Variants in ZNF426 observed in about 807,000 individuals in gnomAD.
ZNF426 encodes the protein CTC-543D15.7.
ZNF426 carries 23 observed loss-of-function variants against 24.0 expected under a neutral mutation model. The observed-to-expected ratio is 0.96, with a 90% CI of 0.69 to 1.36. The LOEUF (loss-of-function observed/expected upper bound fraction) is 1.36, where lower values mean the gene tolerates loss of function less well. Among genes scored for constraint, ZNF426 ranks in the 40% most tolerant of loss-of-function variants. The pLI is 0.00. For synonymous variants in ZNF426, 272 were observed against 224.6 expected (o/e 1.21, Z -1.89); for missense variants, 646 against 658.4 (o/e 0.98, Z 0.21).
chr19:9,536,127 C>G, intron 3 of ZNF426, 81 bp downstream of exon 3: 1 of 1,585,354 alleles, frequency 6.3e-7, no homozygotes, highest in Non-Finnish European at 8.6e-7. Flanking sequence ...AGCAACATGA[C>G]CAGCTGCCCA....
At position 9,530,677 on chromosome 19, in the gene ZNF426, C is replaced by T. The variant is rs138391968; in HGVS notation, c.408+308G>A. 2.4e-3 allele frequency among the ~76,000 whole-genome samples: 358 copies of T among 151,634 alleles called. 1 individual carries two copies. The highest frequency in any genetic ancestry group is 3.4e-3 in the Non-Finnish European group (232 of 67,902). ...CCAAGGGAGGCTGAGGTGGGAGGAT[C>T]GCCTGAGCCCAGGAGGTCAAGACTA... On this transcript the variant is annotated intron_variant, in intron 7 of 7. Transcript: ENST00000253115.
chr19:9,524,226 A>C lies in ZNF426; in HGVS notation c.*4154T>G, dbSNP rs1165931908. 1 of 152,360 alleles carries C rather than the reference A, an allele frequency of 6.6e-6. No homozygotes were observed. Among genetic ancestry groups the C allele is most frequent in the Middle Eastern group, 3.4e-3 (1 of 294 alleles). The allele number at this position is 152,360 out of a possible 1,614,324, so 9.4% of individuals were successfully genotyped here. On this transcript the variant is annotated 3_prime_UTR_variant, in exon 8 of 8. Transcript: ENST00000253115. ...CTCCTAGTGGGAGTTTTGTGGTATC[A>C]GTCCTATGGATTAAATGAAGCCTTT...
chr19:9,534,097 G>T (rs2073929033), intron 4 of ZNF426, 131 bp from the exon 5 acceptor site: 3 of 1,311,414 alleles, frequency 2.3e-6, no homozygotes, highest in Non-Finnish European at 1.0e-6. Context: ...AGGTTTTAAG[G>T]GTCCTAGAAA....
rs748206184 is a variant in ZNF426, at chr19:9,529,535, T to C, written c.510A>G (p.Thr170=). The change falls in exon 8 of 8, where the codon ACA becomes ACG. Residue 170 remains threonine, a synonymous_variant. Coordinates refer to ENST00000253115, the MANE Select transcript of ZNF426 (RefSeq NM_024106.3). ...ACTGATTACAGTCATGAGTGTTCCC[T>C]GTACTTTGAGTTCTCACGTGCGTCT... ...CLKTHVRTQS[T]GNTHDCNQYG... 2 of 1,612,312 alleles carry C rather than the reference T, an allele frequency of 1.2e-6. No homozygotes were observed. The highest frequency in any genetic ancestry group is 2.2e-5 in the East Asian group (1 of 44,882).
At chr19:9,531,757 G>A (rs1476199810) in intron 6 of ZNF426, among the ~76,000 whole-genome samples, 1 of 152,184 alleles carries the variant, frequency 6.6e-6, no homozygotes, top group Admixed American at 6.5e-5. Flanking sequence ...GGCCGAGGCA[G>A]GCAGATCACG....
rs1224343138 is a variant in ZNF426, at chr19:9,529,055, G to GT, written c.989dup (p.His330GlnfsTer10). 3 of 1,613,676 alleles carry GT rather than the reference G, an allele frequency of 1.9e-6. No homozygotes were observed. The highest frequency in any genetic ancestry group is 1.7e-5 in the Admixed American group (1 of 59,912). On this transcript the variant is annotated frameshift_variant, in exon 8 of 8. Transcript: ENST00000253115. LOFTEE classifies it low-confidence loss of function (END_TRUNC). ...TACATACATAGGGTTTCTCTCCAGT[G>GT]TGAGTTCTTCCATGTATCTGAAATG...
chr19:9,531,237 TA>T (rs1206881681), intron 6 of ZNF426, among the ~76,000 whole-genome samples, 170 bp from the exon 7 acceptor site: 1 of 152,094 alleles, frequency 6.6e-6, no homozygotes, highest in Non-Finnish European at 1.5e-5. Context: ...ATTCAAAAGC[TA>T]GCTGGGTGTG....
rs79734356 is a variant in ZNF426 at position 9,528,715 on chromosome 19, C to A, written c.1330G>T (p.Ala444Ser). Residue 444 changes from alanine (A) to serine (S), a missense_variant, in exon 8 of 8, where the codon GCC becomes TCC. Ala to Ser is a moderately conservative substitution (Grantham distance 99). Transcript: ENST00000253115. ...TCCTTACAGGTGTATGGTTTCTGGG[C>A]ACTGTGCGTTCGCATGTGATTATTA... The part of the protein sequence containing the change: ...CLNNHMRTHS[A>S]QKPYTCKECG... 1.9e-6 allele frequency: 3 copies of A among 1,614,142 alleles called. No individual in the cohort carries two copies. The highest frequency in any genetic ancestry group is 2.5e-6 in the Non-Finnish European group (3 of 1,180,004).
Position 9,528,778 on chromosome 19 carries a change from T to G in ZNF426, c.1267A>C (p.Lys423Gln). 1 of 1,614,144 alleles carries G rather than the reference T, an allele frequency of 6.2e-7. No homozygotes were observed. Among genetic ancestry groups the G allele is most frequent in the Non-Finnish European group, 8.5e-7 (1 of 1,180,020 alleles). The change falls in exon 8 of 8, where the codon AAG becomes CAG. Residue 423 changes from lysine to glutamine, a missense_variant. Coordinates refer to ENST00000253115, the MANE Select transcript of ZNF426 (RefSeq NM_024106.3). ...THTEEKACEC[K>Q]ICGKVFGYPS... ...TACCCAAATACTTTCCCACATATCT[T>G]ACACTCACAGGCCTTCTCTTCAGTG...
Position 9,525,174 on chromosome 19 carries a change from G to T in ZNF426, c.*3206C>A, listed in dbSNP as rs997028419. 6.6e-6 allele frequency: 1 copy of T among 151,228 alleles called. No individual in the cohort carries two copies. Among genetic ancestry groups the T allele is most frequent in the African/African-American group, 2.4e-5 (1 of 41,142 alleles). 9.4% of individuals were successfully genotyped at this position (151,228 alleles called of 1,614,324 possible). A position where few individuals can be genotyped will look rare whatever the true frequency, so the allele number is the denominator to read the frequency against. ...TGAGGCAGGAGAATGGCGTGAACCC[G>T]GGAGGCGGAGCTTGCAGTGAGCCGA... On this transcript the variant is annotated 3_prime_UTR_variant, in exon 8 of 8. Coordinates refer to ENST00000253115, the MANE Select transcript of ZNF426 (RefSeq NM_024106.3).
rs2073794005 is a variant in ZNF426 at position 9,526,563 on chromosome 19, C to T, written c.*1817G>A. ...GAATATATCAGCAGAAACATCCACA[C>T]CTGAAAAGCAAAGAGAAGAATAAAA... On this transcript the variant is annotated 3_prime_UTR_variant, in exon 8 of 8. Coordinates refer to ENST00000253115, the MANE Select transcript of ZNF426 (RefSeq NM_024106.3). 6.6e-6 allele frequency: 1 copy of T among 151,678 alleles called. No homozygotes were observed. Among genetic ancestry groups the T allele is most frequent in the Non-Finnish European group, 1.5e-5 (1 of 67,946 alleles). The allele number at this position is 151,678 out of a possible 1,614,324, so 9.4% of individuals were successfully genotyped here.
intron 3 of ZNF426, among the ~76,000 whole-genome samples, chr19:9,535,964 C>T (rs536950554): frequency 2.6e-5 from 4 of 152,218 alleles, no homozygotes; most frequent in African/African-American, 7.2e-5. Flanking sequence ...TCATTTCACA[C>T]ATAAGGAAAC....
In ZNF426 at chr19:9,531,055, C is replaced by A. The variant is rs368178361; in HGVS notation, c.338G>T (p.Arg113Leu). 1.2e-6 allele frequency: 2 copies of A among 1,613,866 alleles called. No individual in the cohort carries two copies. Among genetic ancestry groups the A allele is most frequent in the South Asian group, 2.2e-5 (2 of 91,072 alleles). The stretch of plus-strand genomic sequence containing the variant: ...AAGTATAGACCACTGGGTTTCAAGT[C>A]GCATTTCCCATCCTGAAATAAAACA... Reference protein sequence around the residue: ...QGGVLQGWEMRLETQWSILQQ... With the variant: ...QGGVLQGWEMLLETQWSILQQ... The change falls in exon 7 of 8, where the codon CGA becomes CTA. Residue 113 changes from arginine to leucine, a missense_variant. Arg to Leu is a moderately radical substitution (Grantham distance 102). Transcript: ENST00000253115.
Position 9,535,130 on chromosome 19 carries a change from G to A in ZNF426, c.117+58C>T, listed in dbSNP as rs1005325472. The A allele has an allele frequency of 1.2e-5, 13 of 1,044,084 alleles. No individual in the cohort carries two copies. The African/African-American group carries it at 1.6e-4, about 13-fold the overall frequency. 64.7% of individuals were successfully genotyped at this position (1,044,084 alleles called of 1,614,324 possible). Reference sequence around the variant, plus strand: ...GAGACAACTCTGCCTAGAGGGAAATGTGTCTACCTGGTGGATGCAAGTATG... The same window carrying A: ...GAGACAACTCTGCCTAGAGGGAAATATGTCTACCTGGTGGATGCAAGTATG... On this transcript the variant is annotated intron_variant, in intron 4 of 7. Coordinates refer to ENST00000253115, the MANE Select transcript of ZNF426 (RefSeq NM_024106.3).
In ZNF426 at chr19:9,528,508, A is replaced by C; in HGVS notation, c.1537T>G (p.Phe513Val). ...PYECKECGKA[F>V]TCSSSFRIHE... The stretch of plus-strand genomic sequence containing the variant: ...ATTCTAAAGGAACTGGAACACGTGA[A>C]GGCTTTCCCACACTCCTTGCATTCA... The change falls in exon 8 of 8, where the codon TTC (phenylalanine) becomes GTC (valine). Residue 513 changes from phenylalanine to valine, a missense_variant. Phe to Val is a conservative substitution (Grantham distance 50). Transcript: ENST00000253115. 1.2e-6 allele frequency: 2 copies of C among 1,614,176 alleles called. No homozygotes were observed. The highest frequency in any genetic ancestry group is 1.7e-6 in the Non-Finnish European group (2 of 1,180,018).
At chr19:9,534,008 C>G in intron 4 of ZNF426, 42 bp from the exon 5 acceptor site, 2 of 1,602,130 alleles carry the variant, frequency 1.2e-6, no homozygotes, top group Non-Finnish European at 1.7e-6. Context: ...AAGTAACAAG[C>G]CCATCAGCGT....
intron 6 of ZNF426, among the ~76,000 whole-genome samples, chr19:9,532,549 G>A (rs1358388092): frequency 2.0e-5 from 3 of 152,022 alleles, no homozygotes; most frequent in Non-Finnish European, 4.4e-5. Flanking sequence ...CACCCACCTA[G>A]GCCTCCCAAT....
rs2073827809 is a variant in ZNF426 at position 9,528,611 on chromosome 19, A to G, written c.1434T>C (p.Cys478=). The change falls in exon 8 of 8, where the codon TGT becomes TGC. Residue 478 remains cysteine, a synonymous_variant. Transcript: ENST00000253115. Reference sequence around the variant, plus strand: ...GACTGAAGGCCTTTCCACATTGTTTACACTCATAGGGTTTTTCTCCAGTGT... The same window carrying G: ...GACTGAAGGCCTTTCCACATTGTTTGCACTCATAGGGTTTTTCTCCAGTGT... ...RIHTGEKPYE[C]KQCGKAFSHS... 1 of 1,613,972 alleles carries G rather than the reference A, an allele frequency of 6.2e-7. No homozygotes were observed. Among genetic ancestry groups the G allele is most frequent in the Non-Finnish European group, 8.5e-7 (1 of 1,180,012 alleles).
intron 5 of ZNF426, 33 bp from the exon 6 acceptor site, chr19:9,532,958 C>T (rs1272177197): frequency 3.2e-6 from 5 of 1,541,772 alleles, no homozygotes. Context: ...ATGGAAGAGG[C>T]TCATAAAAAA....
Sources: gnomAD v4.1 joint callset for allele counts (sites outside exome capture counted in the v4.1 genomes callset) on GRCh38, gnomAD v4.1.1 for gene constraint, MANE v1.5 for transcripts, NCBI Gene and HGNC (gene_info 2026-07-23, HGNC 2026-07-21) for gene names.